The following CDC42SE2 variants were observed in gnomAD, a reference collection of about 807,000 sequenced individuals.
CDC42SE2 encodes CDC42 small effector 2.
In CDC42SE2, 3 loss-of-function variants were observed where a neutral mutation model predicts 11.5. That is an observed-to-expected ratio of 0.26 (90% CI 0.12 to 0.67). The LOEUF is 0.67. CDC42SE2 is among the 30% of genes least tolerant of loss of function. The probability of loss-of-function intolerance (pLI) is 0.80; values close to 1 mark genes in which losing one functional copy is unlikely to be tolerated. For synonymous variants in CDC42SE2, 33 were observed against 34.8 expected (o/e 0.95, Z 0.18); for missense variants, 82 against 106.8 (o/e 0.77, Z 1.02).
At chr5:131,221,638 A>AT in the CDC42SE2 span, among the ~76,000 whole-genome samples, 61 of 152,048 alleles carry the variant, frequency 4.0e-4, no homozygotes, top group African/African-American at 1.4e-3. Flanking sequence ...TAGAATACCC[A>AT]TTCTTTTTTT....
chr5:131,279,756 AG>A (rs1348470139), intron 1 of CDC42SE2, among the ~76,000 whole-genome samples: 2 of 152,070 alleles, frequency 1.3e-5, no homozygotes, highest in African/African-American at 4.8e-5. Flanking sequence ...TTCTGACTGG[AG>A]AAAAATTATT....
chr5:131,310,315 T>G (rs1392514028), intron 1 of CDC42SE2, among the ~76,000 whole-genome samples: 11 of 151,824 alleles, frequency 7.2e-5, no homozygotes, highest in Admixed American at 2.6e-4. Flanking sequence ...TGAGAGATAG[T>G]TTGTTATAAT....
chr5:131,291,970 G>A (rs1200397627), intron 1 of CDC42SE2, among the ~76,000 whole-genome samples: 3 of 152,124 alleles, frequency 2.0e-5, no homozygotes, highest in Non-Finnish European at 4.4e-5. Flanking sequence ...TTGGCTGGGT[G>A]TGGTGGCTCA....
chr5:131,310,606 A>G (rs1196259751), intron 1 of CDC42SE2, among the ~76,000 whole-genome samples: 1 of 151,440 alleles, frequency 6.6e-6, no homozygotes, highest in East Asian at 1.9e-4. Flanking sequence ...GTCACTCAGG[A>G]CTTGCTTTAT....
At chr5:131,335,034 C>G (rs182694744) in intron 2 of CDC42SE2, among the ~76,000 whole-genome samples, 2,714 of 152,020 alleles carry the variant, frequency 0.018, 77 homozygotes, top group African/African-American at 0.038. Flanking sequence ...GCTCTTGCTT[C>G]TCTAGTTCTT....
intron 1 of CDC42SE2, among the ~76,000 whole-genome samples, chr5:131,275,656 TTTTTC>T (rs61129956): frequency 0.76 from 114,122 of 150,480 alleles, 43,606 homozygotes; most frequent in Middle Eastern, 0.81. Context: ...AACTTCATTA[TTTTTC>T]TTTTCTTTTC....
At chr5:131,321,764 A>G (rs1006937627) in intron 2 of CDC42SE2, among the ~76,000 whole-genome samples, 2 of 152,132 alleles carry the variant, frequency 1.3e-5, no homozygotes, top group African/African-American at 4.8e-5. Context: ...AAAGGAAAAA[A>G]GGGATTCACC....
At chr5:131,306,367 T>A (rs923384260) in intron 1 of CDC42SE2, among the ~76,000 whole-genome samples, 3 of 151,920 alleles carry the variant, frequency 2.0e-5, no homozygotes, top group African/African-American at 7.2e-5. Flanking sequence ...CTTTCTCTGT[T>A]TTGTGTTCTT....
At chr5:131,262,059 T>C (rs750477158), upstream of CDC42SE2, among the ~76,000 whole-genome samples, 1 of 152,026 alleles carries the variant, frequency 6.6e-6, no homozygotes, top group Non-Finnish European at 1.5e-5. Context: ...CTACCCTTTA[T>C]AGGTAAATGA....
At chr5:131,345,778 C>T (rs1384739301) in intron 2 of CDC42SE2, among the ~76,000 whole-genome samples, 2 of 145,642 alleles carry the variant, frequency 1.4e-5, no homozygotes, top group Non-Finnish European at 1.5e-5. Flanking sequence ...AAAGGGAAGC[C>T]CATCAGACTA....
intron 1 of CDC42SE2, among the ~76,000 whole-genome samples, chr5:131,284,291 A>G (rs1462251298): frequency 1.3e-5 from 2 of 152,200 alleles, no homozygotes; most frequent in Admixed American, 1.3e-4. Flanking sequence ...ATTTTAAAAA[A>G]TTGAAAATTA....
intron 3 of CDC42SE2, among the ~76,000 whole-genome samples, chr5:131,364,917 GA>G (rs1030254156): frequency 6.6e-6 from 1 of 152,212 alleles, no homozygotes; most frequent in African/African-American, 2.4e-5. Context: ...TACTTCAAGG[GA>G]AGTGGTTGAG....
chr5:131,355,078 A>G (rs1749492828), intron 2 of CDC42SE2, among the ~76,000 whole-genome samples: 1 of 152,206 alleles, frequency 6.6e-6, no homozygotes, highest in Non-Finnish European at 1.5e-5. Context: ...TAGGATAAGT[A>G]TAAAGCAAGT....
At chr5:131,347,081 A>T (rs1031500490) in intron 2 of CDC42SE2, among the ~76,000 whole-genome samples, 3 of 152,202 alleles carry the variant, frequency 2.0e-5, no homozygotes, top group African/African-American at 7.2e-5. Context: ...CATCACAATT[A>T]AAAGAACTAG....
chr5:131,238,729 T>C, the CDC42SE2 span, among the ~76,000 whole-genome samples: 52 of 152,206 alleles, frequency 3.4e-4, no homozygotes, highest in South Asian at 1.7e-3. Flanking sequence ...CTCTAATAAG[T>C]AGCTCATTGA....
chr5:131,332,601 C>G (rs1758445630), intron 2 of CDC42SE2, among the ~76,000 whole-genome samples: 2 of 152,110 alleles, frequency 1.3e-5, no homozygotes, highest in African/African-American at 4.8e-5. Flanking sequence ...AAAAGTGTTC[C>G]TATTTCTCCA....
intron 3 of CDC42SE2, among the ~76,000 whole-genome samples, chr5:131,373,408 C>T (rs1023265779): frequency 6.6e-6 from 1 of 152,152 alleles, no homozygotes; most frequent in Non-Finnish European, 1.5e-5. Flanking sequence ...CATTCTTCAC[C>T]TGCCTTCATC....
intron 1 of CDC42SE2, among the ~76,000 whole-genome samples, chr5:131,288,890 GGTT>G (rs1050118066): frequency 1.3e-5 from 2 of 151,966 alleles, no homozygotes; most frequent in Non-Finnish European, 1.5e-5. Flanking sequence ...GAAATTTAAG[GGTT>G]GTTGTTGTTC....
chr5:131,382,322 A>ATATC (rs1554066288), intron 3 of CDC42SE2, among the ~76,000 whole-genome samples: 1 of 152,178 alleles, frequency 6.6e-6, no homozygotes, highest in Non-Finnish European at 1.5e-5. Context: ...TTTCACAAGC[A>ATATC]TATCTATTCA....
Sources: gnomAD v4.1 joint callset for allele counts (sites outside exome capture counted in the v4.1 genomes callset) on GRCh38, gnomAD v4.1.1 for gene constraint, MANE v1.5 for transcripts, NCBI Gene and HGNC (gene_info 2026-07-23, HGNC 2026-07-21) for gene names.